Variants in CNTRL observed in about 807,000 individuals in gnomAD.
CNTRL encodes centriolin, also known as 110 kDa centrosomal protein.
Under a neutral mutation model 303.7 loss-of-function variants are expected in CNTRL, and 233 were observed. The observed-to-expected ratio is 0.77, with a 90% CI of 0.69 to 0.86. CNTRL has a LOEUF of 0.86. Ranked by LOEUF, CNTRL falls within the 40% of genes least tolerant of loss-of-function variation. CNTRL has a pLI of 0.00. For synonymous variants in CNTRL, 900 were observed against 922.2 expected (o/e 0.98, Z 0.44); for missense variants, 2,524 against 2,650.6 (o/e 0.95, Z 1.05).
chr9:121,107,050 TTAC>T (rs1389548900), intron 7 of CNTRL, among the ~76,000 whole-genome samples: 1 of 152,108 alleles, frequency 6.6e-6, no homozygotes, highest in Non-Finnish European at 1.5e-5. Flanking sequence ...TGATCACATT[TTAC>T]TACTCCCTGT....
At chr9:121,141,288 C>CT in intron 17 of CNTRL, 93 bp from the exon 18 acceptor site, 1 of 1,012,942 alleles carries the variant, frequency 9.9e-7, no homozygotes, top group Middle Eastern at 2.1e-4. Context: ...CTGCACACAG[C>CT]TTTTTACTCT....
chr9:121,154,965 A>G, intron 27 of CNTRL, 52 bp downstream of exon 27: 5 of 1,435,770 alleles, frequency 3.5e-6, no homozygotes, highest in Non-Finnish European at 4.9e-6. Flanking sequence ...GAGTCAGCTT[A>G]CTGTCCACCT....
At chr9:121,089,568 T>C (rs566013544) in intron 3 of CNTRL, among the ~76,000 whole-genome samples, 1 of 152,304 alleles carries the variant, frequency 6.6e-6, no homozygotes, top group South Asian at 2.1e-4. Context: ...ATTTTCTCTA[T>C]TTAAAAGTGC....
At chr9:121,151,800 G>A (rs968740863) in intron 25 of CNTRL, among the ~76,000 whole-genome samples, 1 of 152,146 alleles carries the variant, frequency 6.6e-6, no homozygotes, top group African/African-American at 2.4e-5. Flanking sequence ...TTGGCAGATT[G>A]AGTGGAAGAT....
chr9:121,172,774 G>T (rs907077498), intron 40 of CNTRL, among the ~76,000 whole-genome samples: 1 of 152,124 alleles, frequency 6.6e-6, no homozygotes, highest in African/African-American at 2.4e-5. Context: ...CTCATTTGTG[G>T]CTTATTTACT....
chr9:121,146,398 A>G, intron 23 of CNTRL, 142 bp downstream of exon 23: 1 of 819,782 alleles, frequency 1.2e-6, no homozygotes, highest in East Asian at 2.8e-5. Context: ...TAGCGTTTTT[A>G]ATATTTGAGA....
intron 42 of CNTRL, among the ~76,000 whole-genome samples, chr9:121,174,739 T>C (rs2053451688): frequency 6.6e-6 from 1 of 152,110 alleles, no homozygotes; most frequent in Non-Finnish European, 1.5e-5. Flanking sequence ...GAGGCAATAA[T>C]TTAATGGAGA....
In CNTRL at chr9:121,115,201, G is replaced by C. The variant is rs777877934; in HGVS notation, c.1455+1G>C. 1.3e-6 allele frequency: 2 copies of C among 1,492,644 alleles called. No individual in the cohort carries two copies. Among genetic ancestry groups the C allele is most frequent in the African/African-American group, 2.8e-5 (2 of 71,892 alleles). The allele number at this position is 1,492,644 out of a possible 1,614,324, so 92.5% of individuals were successfully genotyped here. ...GGAAGAAGCTATACAACTAAAAAAG[G>C]TATGTAAAAGCAAAGCAGCAATGCT... On this transcript the variant is annotated splice_donor_variant, in intron 11 of 43. Coordinates refer to ENST00000373855, the MANE Select transcript of CNTRL (RefSeq NM_007018.6). LOFTEE classifies it high-confidence loss of function.
intron 19 of CNTRL, among the ~76,000 whole-genome samples, chr9:121,142,643 G>C (rs2051584607): frequency 6.6e-6 from 1 of 152,046 alleles, no homozygotes; most frequent in Non-Finnish European, 1.5e-5. Flanking sequence ...CTCTTTAATG[G>C]CTTTTCTCCA....
chr9:121,168,106 G>T lies in CNTRL; in HGVS notation c.5855G>T (p.Arg1952Ile). The T allele has an allele frequency of 6.2e-7, 1 of 1,611,498 alleles. No homozygotes were observed. The highest frequency in any genetic ancestry group is 1.1e-5 in the South Asian group (1 of 91,012). The change falls in exon 38 of 44, where the codon AGA (arginine) becomes ATA (isoleucine). Residue 1952 changes from arginine to isoleucine, a missense_variant. Transcript: ENST00000373855. ...TTATTCTTTATTAAGATGTTTCAGA[G>T]ACTCCAGAAAGAGAGAGAAAGTGAA... ...KLVQQEMMFQ[R>I]LQKERESEES...
intron 12 of CNTRL, chr9:121,121,950 A>G (rs2050252100): frequency 4.1e-6 from 4 of 984,256 alleles, no homozygotes; most frequent in African/African-American, 1.7e-5. Context: ...TTTTAAGTTA[A>G]GGTATGATAT....
In CNTRL at chr9:121,145,347, T is replaced by C. The variant is rs934689262; in HGVS notation, c.3272T>C (p.Ile1091Thr). Residue 1091 changes from isoleucine (I) to threonine (T), a missense_variant, in exon 22 of 44, where the codon ATT (isoleucine) becomes ACT (threonine). Transcript: ENST00000373855. ...NETMERQRTE[I>T]ARLQNVLDLT... is the part of the protein sequence containing the mutation. ...ACAATGGAACGACAAAGGACAGAGA[T>C]TGCAAGGCTGCAGAATGTACTAGAC... is the stretch of plus-strand genomic sequence containing the variant. The C allele has an allele frequency of 1.2e-6, 2 of 1,613,930 alleles. No homozygotes were observed. The highest frequency in any genetic ancestry group is 1.1e-5 in the South Asian group (1 of 91,042).
At position 121,135,911 on chromosome 9, in the gene CNTRL, C is replaced by T. The variant is rs769763623; in HGVS notation, c.2131C>T (p.Arg711Trp). The change falls in exon 15 of 44, where the codon CGG (arginine) becomes TGG (tryptophan). Residue 711 changes from arginine (R) to tryptophan (W), a missense_variant. Transcript: ENST00000373855. ...TGCCTATGAAGCTGAGCTAGAGGCT[C>T]GGCTAAACCTAAGGGATGCTGAAGC... The part of the protein sequence containing the change: ...LSAYEAELEA[R>W]LNLRDAEANQ... 1.4e-4 allele frequency: 229 copies of T among 1,613,742 alleles called. No homozygotes were observed. Among genetic ancestry groups the T allele is most frequent in the Non-Finnish European group, 1.9e-4 (222 of 1,179,884 alleles).
intron 7 of CNTRL, among the ~76,000 whole-genome samples, chr9:121,107,383 C>G (rs763844744): frequency 6.6e-6 from 1 of 152,092 alleles, no homozygotes; most frequent in Non-Finnish European, 1.5e-5. Flanking sequence ...ATCAGCTTTT[C>G]GCAAGCCTTT....
Position 121,169,602 on chromosome 9 carries a change from T to G in CNTRL, c.6071-9T>G. 1 of 1,613,948 alleles carries G rather than the reference T, an allele frequency of 6.2e-7. No individual in the cohort carries two copies. The highest frequency in any genetic ancestry group is 8.5e-7 in the Non-Finnish European group (1 of 1,179,940). ...CTTTGGCTAAACCTACTGAAAATGC[T>G]CATTTCAGAACGGCAGCTTTCAGAA... is the stretch of plus-strand genomic sequence containing the variant. On this transcript the variant is annotated splice_polypyrimidine_tract_variant and intron_variant, in intron 38 of 43. Coordinates refer to ENST00000373855, the MANE Select transcript of CNTRL (RefSeq NM_007018.6).
At chr9:121,175,908 CTTACAT>C (rs2053505471) in intron 43 of CNTRL, among the ~76,000 whole-genome samples, 1 of 152,190 alleles carries the variant, frequency 6.6e-6, no homozygotes, top group African/African-American at 2.4e-5. Context: ...CATTTTGTAA[CTTACAT>C]TTACAGAGTT....
rs940070622 is a variant in CNTRL at position 121,121,889 on chromosome 9, G to A, written c.1651-2042G>A. 1.9e-5 allele frequency: 19 copies of A among 985,284 alleles called. No homozygotes were observed. The African/African-American group carries it at 3.0e-4, about 15-fold the overall frequency. The allele number at this position is 985,284 out of a possible 1,614,324, so 61.0% of individuals were successfully genotyped here. A position where few individuals can be genotyped will look rare whatever the true frequency, so the allele number is the denominator to read the frequency against. On this transcript the variant is annotated intron_variant, in intron 12 of 43. Coordinates refer to ENST00000373855, the MANE Select transcript of CNTRL (RefSeq NM_007018.6). Reference sequence around the variant, plus strand: ...GAATTTGAAGACAGCATTAGAAAGCGTTCCGCCCACAGTTTCTCTGTTCTC... The same window carrying A: ...GAATTTGAAGACAGCATTAGAAAGCATTCCGCCCACAGTTTCTCTGTTCTC...
intron 26 of CNTRL, among the ~76,000 whole-genome samples, chr9:121,154,136 T>A (rs1398688320): frequency 6.6e-6 from 1 of 152,252 alleles, no homozygotes; most frequent in Non-Finnish European, 1.5e-5. Context: ...AAAGATAATC[T>A]GTTAAATGTT....
chr9:121,161,361 A>T, intron 32 of CNTRL: 2 of 400,106 alleles, frequency 5.0e-6, no homozygotes. Flanking sequence ...AGGCCAAAAA[A>T]TTGTTATATA....
Sources: allele counts gnomAD v4.1 joint callset (sites outside exome capture counted in the v4.1 genomes callset), GRCh38; gene constraint gnomAD v4.1.1; transcripts MANE v1.5; gene names NCBI Gene and HGNC (gene_info 2026-07-23, HGNC 2026-07-21).